Variants in PPFIA2 observed in about 807,000 individuals in gnomAD.
The protein encoded by PPFIA2 is liprin-alpha-2.
A neutral mutation model predicts 175.5 loss-of-function variants in PPFIA2; 46 were observed. The observed-to-expected ratio is 0.26, with a 90% CI of 0.21 to 0.34. The LOEUF (loss-of-function observed/expected upper bound fraction) is 0.34. Among genes scored for constraint, PPFIA2 ranks in the 10% least tolerant of loss-of-function variants. The pLI is 1.00. For missense variants in PPFIA2, 1,179 were observed against 1,506.1 expected (o/e 0.78, Z 3.60); for synonymous variants, 568 against 511.4 (o/e 1.11, Z -1.49).
chr12:81,494,568 A>G (rs972525875), intron 4 of PPFIA2, among the ~76,000 whole-genome samples: 15 of 151,774 alleles, frequency 9.9e-5, no homozygotes, highest in Admixed American at 2.6e-4. Context: ...TAGAAATACC[A>G]TTTGACCCAG....
intron 18 of PPFIA2, 93 bp downstream of exon 18, chr12:81,347,440 G>A (rs2059263511): frequency 9.6e-7 from 1 of 1,041,770 alleles, no homozygotes; most frequent in East Asian, 2.4e-5. Flanking sequence ...TACACAGAAA[G>A]TACTTAGACT....
At chr12:81,436,364 G>T (rs1302530444) in intron 7 of PPFIA2, among the ~76,000 whole-genome samples, 1 of 129,828 alleles carries the variant, frequency 7.7e-6, no homozygotes, top group African/African-American at 2.9e-5. Context: ...CGTTTCTCCA[G>T]CTCCTTGCTC....
intron 22 of PPFIA2, among the ~76,000 whole-genome samples, chr12:81,320,863 A>G (rs543664740): frequency 6.6e-6 from 1 of 152,208 alleles, no homozygotes; most frequent in South Asian, 2.1e-4. Flanking sequence ...AGTTTCTATA[A>G]GACTAAGGTT....
intron 28 of PPFIA2, among the ~76,000 whole-genome samples, chr12:81,273,883 G>A (rs867119999): frequency 3.9e-5 from 5 of 128,294 alleles, no homozygotes; most frequent in Admixed American, 2.5e-4. Flanking sequence ...CTTTCTCCCC[G>A]CCCCCCCCCA....
At chr12:81,415,218 T>C (rs1361562203) in intron 7 of PPFIA2, among the ~76,000 whole-genome samples, 1 of 33,728 alleles carries the variant, frequency 3.0e-5, no homozygotes, top group African/African-American at 1.3e-4. Context: ...AAAATATATA[T>C]ATATATATAT....
chr12:81,362,537 A>C (rs913162226), intron 15 of PPFIA2, among the ~76,000 whole-genome samples, 156 bp downstream of exon 15: 3 of 151,600 alleles, frequency 2.0e-5, no homozygotes, highest in Non-Finnish European at 4.4e-5. Context: ...GTTATTTTTG[A>C]ATGTAAAAAC....
intron 5 of PPFIA2, among the ~76,000 whole-genome samples, chr12:81,450,480 G>A (rs974165613): frequency 1.3e-5 from 2 of 152,078 alleles, no homozygotes; most frequent in Non-Finnish European, 2.9e-5. Flanking sequence ...CTTTTTGATA[G>A]GGTTGTTTGT....
chr12:81,613,896 C>T (rs1279670436), intron 4 of PPFIA2, among the ~76,000 whole-genome samples: 1 of 152,038 alleles, frequency 6.6e-6, no homozygotes, highest in Non-Finnish European at 1.5e-5. Flanking sequence ...TTAGAAAATA[C>T]TTATTCTAAG....
chr12:81,284,996 T>C (rs1162420011), intron 24 of PPFIA2, among the ~76,000 whole-genome samples: 1 of 152,198 alleles, frequency 6.6e-6, no homozygotes, highest in East Asian at 1.9e-4. Flanking sequence ...TATTTCCTAA[T>C]TCTCCACCAG....
chr12:81,450,777 C>G (rs1242726498), intron 5 of PPFIA2, among the ~76,000 whole-genome samples: 3 of 152,082 alleles, frequency 2.0e-5, no homozygotes, highest in East Asian at 1.9e-4. Flanking sequence ...TTAGGTCTAA[C>G]ATTTAAGTCT....
intron 4 of PPFIA2, among the ~76,000 whole-genome samples, chr12:81,553,066 G>A (rs916431603): frequency 2.0e-5 from 3 of 151,960 alleles, no homozygotes; most frequent in Admixed American, 6.6e-5. Flanking sequence ...TGTACAGAGT[G>A]TGGTATGACA....
At chr12:81,388,017 T>C (rs2039352145) in intron 8 of PPFIA2, among the ~76,000 whole-genome samples, 2 of 152,138 alleles carry the variant, frequency 1.3e-5, no homozygotes. Flanking sequence ...CATTCCCACA[T>C]ATTCGTAGCA....
chr12:81,618,382 T>A (rs2061629403), intron 4 of PPFIA2, among the ~76,000 whole-genome samples: 1 of 152,114 alleles, frequency 6.6e-6, no homozygotes, highest in African/African-American at 2.4e-5. Flanking sequence ...ATTTATTAAA[T>A]AAATTAATGT....
At chr12:81,270,594 A>G (rs931826636) in intron 28 of PPFIA2, 1 of 152,236 alleles carries the variant, frequency 6.6e-6, no homozygotes, top group Non-Finnish European at 1.5e-5. Context: ...AAGAACATCA[A>G]AAATTGCCAG....
rs2078238444 is a variant in PPFIA2, at chr12:81,713,725, G to T, written c.250-36881C>A. Among the ~76,000 whole-genome samples, 2 of 151,162 alleles carry T rather than the reference G, an allele frequency of 1.3e-5. 1 individual carries two copies. Among genetic ancestry groups the T allele is most frequent in the Admixed American group, 1.3e-4 (2 of 14,818 alleles). ...AGCATATTGTTCAGGTCACTGCTAT[G>T]AAGTTTATTGCTGTCTAATTTTACT... On this transcript the variant is annotated intron_variant, in intron 3 of 32. Coordinates refer to ENST00000549396, the MANE Select transcript of PPFIA2 (RefSeq NM_003625.5).
At chr12:81,541,752 T>C (rs954290736) in intron 4 of PPFIA2, among the ~76,000 whole-genome samples, 1 of 152,138 alleles carries the variant, frequency 6.6e-6, no homozygotes, top group African/African-American at 2.4e-5. Context: ...TTTTATTTCT[T>C]GAGTTGTCTT....
intron 7 of PPFIA2, among the ~76,000 whole-genome samples, chr12:81,421,224 G>A (rs2046187305): frequency 6.6e-6 from 1 of 152,196 alleles, no homozygotes; most frequent in East Asian, 1.9e-4. Flanking sequence ...AAGCATGTAA[G>A]AGTATAAATC....
chr12:81,360,671 C>A (rs976486342), intron 15 of PPFIA2, among the ~76,000 whole-genome samples: 1 of 151,678 alleles, frequency 6.6e-6, no homozygotes, highest in Non-Finnish European at 1.5e-5. Context: ...AGTTCTCATG[C>A]ACCTCCTATT....
At chr12:81,605,649 A>C (rs576423213) in intron 4 of PPFIA2, among the ~76,000 whole-genome samples, 3 of 142,522 alleles carry the variant, frequency 2.1e-5, no homozygotes, top group Admixed American at 7.2e-5. Context: ...CCATCCATCC[A>C]GCTATCTATC....
Sources: allele counts gnomAD v4.1 joint callset (sites outside exome capture counted in the v4.1 genomes callset), GRCh38; gene constraint gnomAD v4.1.1; transcripts MANE v1.5; gene names NCBI Gene and HGNC (gene_info 2026-07-23, HGNC 2026-07-21).